TNFRSF10A: variants seen among roughly 807,000 people sequenced by gnomAD.
TNFRSF10A encodes tumor necrosis factor receptor superfamily member 10A.
TNFRSF10A carries 44 observed loss-of-function variants against 42.8 expected under a neutral mutation model. That is an observed-to-expected ratio of 1.03 (90% CI 0.81 to 1.32). TNFRSF10A has a LOEUF of 1.32. Ranked by LOEUF, TNFRSF10A falls within the 40% of genes most tolerant of loss-of-function variation. TNFRSF10A has a pLI of 0.00. For synonymous variants in TNFRSF10A, 259 were observed against 234.2 expected (o/e 1.11, Z -0.97); for missense variants, 680 against 602.0 (o/e 1.13, Z -1.36).
intron 9 of TNFRSF10A, among the ~76,000 whole-genome samples, chr8:23,194,022 T>G (rs1476649536): frequency 6.6e-6 from 1 of 152,200 alleles, no homozygotes; most frequent in Non-Finnish European, 1.5e-5. Flanking sequence ...GGTTTGGCCT[T>G]TAAAAATCAA....
chr8:23,193,616 C>A (rs939143472), intron 9 of TNFRSF10A, among the ~76,000 whole-genome samples: 2 of 151,876 alleles, frequency 1.3e-5, no homozygotes, highest in Non-Finnish European at 2.9e-5. Flanking sequence ...TTTGTGGGTA[C>A]CAGGCAGCAC....
At position 23,199,449 on chromosome 8, in the gene TNFRSF10A, C is replaced by G. The variant is rs1000442144; in HGVS notation, c.832-1G>C. The G allele has an allele frequency of 2.5e-6, 4 of 1,607,076 alleles. No individual in the cohort carries two copies. Among genetic ancestry groups the G allele is most frequent in the Non-Finnish European group, 3.4e-6 (4 of 1,174,174 alleles). On this transcript the variant is annotated splice_acceptor_variant, in intron 7 of 9. Coordinates refer to ENST00000221132, the MANE Select transcript of TNFRSF10A (RefSeq NM_003844.4). LOFTEE classifies it high-confidence loss of function. Reference sequence around the variant, plus strand: ...GGAGACCCAAGCGCCAGAAACACACCTTAGGAAGGCAAAGAGCCAACTCAG... The same window carrying G: ...GGAGACCCAAGCGCCAGAAACACACGTTAGGAAGGCAAAGAGCCAACTCAG...
Position 23,191,717 on chromosome 8 carries a change from C to T in TNFRSF10A, c.1384G>A (p.Gly462Ser), listed in dbSNP as rs375542409. 29 of 1,613,982 alleles carry T rather than the reference C, an allele frequency of 1.8e-5. No homozygotes were observed. In the African/African-American group the frequency reaches 3.9e-4, roughly 22 times the overall value. Reference protein sequence around the residue: ...GKFIYLEDGTGSAVSLE With the variant: ...GKFIYLEDGTSSAVSLE The stretch of plus-strand genomic sequence containing the variant: ...TTTCACTCCAAGGACACGGCAGAGC[C>T]TGTGCCATCTTCTAAGTAGATGAAC... Residue 462 changes from glycine (G) to serine (S), a missense_variant, in exon 10 of 10, where the codon GGC becomes AGC. Physicochemically the swap from Gly to Ser is moderately conservative, Grantham distance 56. Transcript: ENST00000221132.
At chr8:23,219,104 G>T (rs1295024393) in intron 1 of TNFRSF10A, among the ~76,000 whole-genome samples, 1 of 152,106 alleles carries the variant, frequency 6.6e-6, no homozygotes, top group Admixed American at 6.5e-5. Flanking sequence ...TGGGGGGTGG[G>T]GGAGGTGGCC....
intron 1 of TNFRSF10A, among the ~76,000 whole-genome samples, chr8:23,221,539 C>T (rs764983488): frequency 6.6e-6 from 1 of 152,224 alleles, no homozygotes; most frequent in Non-Finnish European, 1.5e-5. Context: ...AAACTGAGCT[C>T]AGCTCCAGGC....
At chr8:23,207,884 TC>T (rs1428927313) in intron 2 of TNFRSF10A, among the ~76,000 whole-genome samples, 4 of 149,094 alleles carry the variant, frequency 2.7e-5, no homozygotes, top group African/African-American at 9.9e-5. Flanking sequence ...CTTGGGAATG[TC>T]TTCATCAGCA....
chr8:23,191,662 C>A lies in TNFRSF10A; in HGVS notation c.*32G>T. Reference sequence around the variant, plus strand: ...ACCTAATATGTATTAACTCCTAACACCTAAGAGGAAACCTCTGGTAAAAAG... The same window carrying A: ...ACCTAATATGTATTAACTCCTAACAACTAAGAGGAAACCTCTGGTAAAAAG... On this transcript the variant is annotated 3_prime_UTR_variant, in exon 10 of 10. Coordinates refer to ENST00000221132, the MANE Select transcript of TNFRSF10A (RefSeq NM_003844.4). The A allele has an allele frequency of 6.3e-7, 1 of 1,590,696 alleles. No individual in the cohort carries two copies. Among genetic ancestry groups the A allele is most frequent in the Non-Finnish European group, 8.5e-7 (1 of 1,170,692 alleles).
intron 1 of TNFRSF10A, among the ~76,000 whole-genome samples, chr8:23,216,882 G>A (rs912812577): frequency 1.3e-5 from 2 of 152,064 alleles, no homozygotes; most frequent in Non-Finnish European, 2.9e-5. Flanking sequence ...ATTTCATTGA[G>A]ATCAGAGAAC....
rs1563378822 is a variant in TNFRSF10A at position 23,200,546 on chromosome 8, A to G, written c.758T>C (p.Leu253Pro). The G allele has an allele frequency of 3.7e-6, 6 of 1,614,114 alleles. No homozygotes were observed. The highest frequency in any genetic ancestry group is 5.1e-6 in the Non-Finnish European group (6 of 1,180,042). ...ILVVTLVVPL[L>P]LVAVLIVCCC... ...ACAGACAATCAGCACAGCCACCAACAGCAACGGAACAACCAAAGTCACAAC... is the reference window on the plus strand; with the variant it reads ...ACAGACAATCAGCACAGCCACCAACGGCAACGGAACAACCAAAGTCACAAC... Residue 253 changes from leucine to proline, a missense_variant, in exon 6 of 10, where the codon CTG becomes CCG. Physicochemically the swap from Leu to Pro is moderately conservative, Grantham distance 98. Transcript: ENST00000221132.
intron 1 of TNFRSF10A, among the ~76,000 whole-genome samples, chr8:23,221,320 C>G (rs1242508638): frequency 6.6e-6 from 1 of 152,252 alleles, no homozygotes; most frequent in Non-Finnish European, 1.5e-5. Flanking sequence ...GGGGCCACAG[C>G]AGAGTCACAG....
Position 23,224,550 on chromosome 8 carries a change from G to C in TNFRSF10A, c.306+206C>G, listed in dbSNP as rs540028330. 117 of 619,314 alleles carry C rather than the reference G, an allele frequency of 1.9e-4. No homozygotes were observed. The South Asian group carries it at 2.2e-3, about 12-fold the overall frequency. 38.4% of individuals were successfully genotyped at this position (619,314 alleles called of 1,614,324 possible). A position where few individuals can be genotyped will look rare whatever the true frequency, so the allele number is the denominator to read the frequency against. ...CGGGCCCAGCCTCCTGCGGGAGGGG[G>C]CTCTGCTGCCTCCAGGCCCGGGTCG... is the stretch of plus-strand genomic sequence containing the variant. On this transcript the variant is annotated intron_variant, in intron 1 of 9. Coordinates refer to ENST00000221132, the MANE Select transcript of TNFRSF10A (RefSeq NM_003844.4).
intron 1 of TNFRSF10A, among the ~76,000 whole-genome samples, chr8:23,214,474 C>A (rs34194030): frequency 0.25 from 36,873 of 150,470 alleles, 5,040 homozygotes; most frequent in East Asian, 0.67. Flanking sequence ...GACGACAGAG[C>A]CAGACTGTCT....
chr8:23,213,500 T>C (rs937782097), intron 1 of TNFRSF10A, among the ~76,000 whole-genome samples: 7 of 94,526 alleles, frequency 7.4e-5, no homozygotes, highest in Admixed American at 1.3e-4. Flanking sequence ...CAGGCTGGAG[T>C]GCAGTGGTGC....
At chr8:23,222,216 A>G (rs1801266755) in intron 1 of TNFRSF10A, among the ~76,000 whole-genome samples, 2 of 152,174 alleles carry the variant, frequency 1.3e-5, no homozygotes, top group African/African-American at 4.8e-5. Flanking sequence ...AACTGGCACA[A>G]TCTTCTCCCG....
At chr8:23,201,525 C>T (rs1243597844) in intron 4 of TNFRSF10A, among the ~76,000 whole-genome samples, 1 of 152,116 alleles carries the variant, frequency 6.6e-6, no homozygotes, top group African/African-American at 2.4e-5. Flanking sequence ...TAAGTCATGG[C>T]CTCCTGTGCC....
chr8:23,215,296 A>T (rs1007543683), intron 1 of TNFRSF10A, among the ~76,000 whole-genome samples: 1 of 152,062 alleles, frequency 6.6e-6, no homozygotes, highest in Non-Finnish European at 1.5e-5. Context: ...GTGGGCGACC[A>T]CCTGAGGTCA....
chr8:23,199,510 G>A, intron 7 of TNFRSF10A, 62 bp from the exon 8 acceptor site: 2 of 1,576,308 alleles, frequency 1.3e-6, no homozygotes, highest in Non-Finnish European at 1.7e-6. Flanking sequence ...GGGTCCGTAG[G>A]GCACGGCTGG....
At chr8:23,193,953 T>C (rs1488912567) in intron 9 of TNFRSF10A, among the ~76,000 whole-genome samples, 1 of 152,202 alleles carries the variant, frequency 6.6e-6, no homozygotes, top group Admixed American at 6.5e-5. Flanking sequence ...TAAGCAGCAT[T>C]GGGCCTGATT....
chr8:23,208,658 G>A (rs948158490), intron 2 of TNFRSF10A, among the ~76,000 whole-genome samples: 5 of 151,940 alleles, frequency 3.3e-5, no homozygotes, highest in East Asian at 1.9e-4. Flanking sequence ...GGGTTTCACC[G>A]TGTTCGCCAG....
Sources: allele counts gnomAD v4.1 joint callset (sites outside exome capture counted in the v4.1 genomes callset), GRCh38; gene constraint gnomAD v4.1.1; transcripts MANE v1.5; gene names NCBI Gene and HGNC (gene_info 2026-07-23, HGNC 2026-07-21).